Variants in DAAM2 observed in about 807,000 individuals in gnomAD.
The protein encoded by DAAM2 is dishevelled associated activator of morphogenesis 2.
Under a neutral mutation model 120.7 loss-of-function variants are expected in DAAM2, and 39 were observed. The ratio of observed to expected loss-of-function variants is 0.32; its 90% CI spans 0.25 to 0.42. The LOEUF is 0.42. Among genes scored for constraint, DAAM2 ranks in the 10% least tolerant of loss-of-function variants. DAAM2 has a pLI of 1.00. For synonymous variants in DAAM2, 488 were observed against 524.9 expected (o/e 0.93, Z 0.96); for missense variants, 1,283 against 1,401.7 (o/e 0.92, Z 1.35).
intron 5 of DAAM2, among the ~76,000 whole-genome samples, chr6:39,866,177 C>A (rs1764422872): frequency 6.6e-6 from 1 of 152,024 alleles, no homozygotes; most frequent in African/African-American, 2.4e-5. Context: ...TGGTGGGGCT[C>A]TGGAATGGGA....
At chr6:39,814,295 T>C (rs539968285) in intron 1 of DAAM2, among the ~76,000 whole-genome samples, 32 of 152,096 alleles carry the variant, frequency 2.1e-4, no homozygotes, top group Admixed American at 1.8e-3. Context: ...GCCAAAAGAT[T>C]AGACACCCTG....
At chr6:39,882,031 CG>C (rs1765142898) in intron 14 of DAAM2, 1 of 151,948 alleles carries the variant, frequency 6.6e-6, no homozygotes, top group African/African-American at 2.4e-5. Flanking sequence ...CAGTGCACCA[CG>C]GGGGAAACAT....
intron 1 of DAAM2, among the ~76,000 whole-genome samples, chr6:39,803,038 G>T (rs530974291): frequency 6.9e-6 from 1 of 144,256 alleles, no homozygotes; most frequent in African/African-American, 2.6e-5. Context: ...TCATTGTTGC[G>T]TAGTAGTCCA....
chr6:39,872,690 T>C (rs1467061244), intron 9 of DAAM2, among the ~76,000 whole-genome samples: 1 of 152,234 alleles, frequency 6.6e-6, no homozygotes. Context: ...GATTTATAGA[T>C]ACAGAAACAG....
At chr6:39,887,352 T>G (rs974904876) in intron 15 of DAAM2, 134 bp from the exon 16 acceptor site, 8 of 625,626 alleles carry the variant, frequency 1.3e-5, no homozygotes, top group African/African-American at 1.1e-4. Context: ...CTCCTCTCTC[T>G]CCTGTCTTTT....
chr6:39,826,101 G>C (rs931573396), intron 1 of DAAM2, among the ~76,000 whole-genome samples: 2 of 152,156 alleles, frequency 1.3e-5, no homozygotes, highest in African/African-American at 4.8e-5. Flanking sequence ...GCTTCTGCCT[G>C]CTGGCTTGGG....
intron 3 of DAAM2, among the ~76,000 whole-genome samples, chr6:39,863,078 A>G (rs1250562500): frequency 5.3e-5 from 8 of 151,910 alleles, no homozygotes; most frequent in Middle Eastern, 3.2e-3. Context: ...TGGCTCTACC[A>G]TAGAACATTT....
chr6:39,896,735 G>C, intron 19 of DAAM2, 77 bp from the exon 20 acceptor site: 2 of 1,312,848 alleles, frequency 1.5e-6, no homozygotes, highest in South Asian at 1.7e-5. Flanking sequence ...CTTTGCGGTG[G>C]CATCTTCCTG....
Position 39,879,309 on chromosome 6 carries a change from C to A in DAAM2, c.1677C>A (p.Pro559=), listed in dbSNP as rs1765013456. ...FACCPPPPPP[P]LPPGGPPTPP... ...GTTGTCCCCCTCCCCCACCACCACC[C>A]CTTCCTCCCGGGGGACCCCCGACTC... The change falls in exon 14 of 25, where the codon CCC becomes CCA. Residue 559 remains proline (P), a synonymous_variant. Transcript: ENST00000274867. The A allele has an allele frequency of 1.3e-6, 2 of 1,561,518 alleles. No homozygotes were observed. The highest frequency in any genetic ancestry group is 1.3e-5 in the African/African-American group (1 of 74,158).
rs141075413 is a variant in DAAM2, at chr6:39,833,527, C to T, written c.-56-22720C>T. ...TTCACCATGTTGGCCAGGCTGGTCT[C>T]GAACTCATGACCTCAAGTGATCCAC... is the stretch of plus-strand genomic sequence containing the variant. On this transcript the variant is annotated intron_variant, in intron 1 of 24. Coordinates refer to ENST00000274867, the MANE Select transcript of DAAM2 (RefSeq NM_001201427.2). Among the ~76,000 whole-genome samples, 455 of 152,234 alleles carry T rather than the reference C, an allele frequency of 3.0e-3. 2 individuals are homozygous for T. The highest frequency in any genetic ancestry group is 9.8e-3 in the African/African-American group (407 of 41,552).
At chr6:39,896,449 T>C (rs3004066) in intron 19 of DAAM2, among the ~76,000 whole-genome samples, 103,161 of 152,034 alleles carry the variant, frequency 0.68, 35,524 homozygotes, top group East Asian at 0.87. Flanking sequence ...GTGATCTCCC[T>C]GCCTCGGCCT....
intron 14 of DAAM2, chr6:39,883,750 A>G (rs1765242080): frequency 5.8e-6 from 3 of 517,050 alleles, no homozygotes; most frequent in East Asian, 3.1e-5. Flanking sequence ...TGCACAAGGG[A>G]GGAAAAGGGG....
intron 6 of DAAM2, 153 bp from the exon 7 acceptor site, chr6:39,868,670 G>T: frequency 3.3e-6 from 2 of 614,666 alleles, no homozygotes; most frequent in Non-Finnish European, 5.9e-6. Flanking sequence ...GGTGAGGTTT[G>T]GGGCAGCCCA....
chr6:39,807,355 A>G (rs1324355947), intron 1 of DAAM2, among the ~76,000 whole-genome samples: 2 of 152,224 alleles, frequency 1.3e-5, no homozygotes, highest in South Asian at 2.1e-4. Context: ...ACAAACATTT[A>G]TATGTATAAT....
chr6:39,848,719 T>A (rs1484703448), intron 1 of DAAM2: 1 of 152,160 alleles, frequency 6.6e-6, no homozygotes, highest in Non-Finnish European at 1.5e-5. Context: ...GCTCCCCCAA[T>A]CCTGGAAAGA....
chr6:39,831,959 T>G (rs1582638935), intron 1 of DAAM2, among the ~76,000 whole-genome samples: 1 of 40,768 alleles, frequency 2.5e-5, no homozygotes, highest in Non-Finnish European at 4.4e-5. Flanking sequence ...GGAGGGTAGG[T>G]GCACTGGGGG....
chr6:39,825,010 C>G (rs1482163874), intron 1 of DAAM2, among the ~76,000 whole-genome samples: 2 of 152,068 alleles, frequency 1.3e-5, no homozygotes, highest in African/African-American at 4.8e-5. Flanking sequence ...TCAGAGGGGC[C>G]CAGGTAGCTG....
At chr6:39,827,780 C>G (rs933826892) in intron 1 of DAAM2, among the ~76,000 whole-genome samples, 1 of 152,108 alleles carries the variant, frequency 6.6e-6, no homozygotes, top group African/African-American at 2.4e-5. Context: ...AATCACAAAC[C>G]CAGTTTCAGA....
Position 39,864,558 on chromosome 6 carries a change from A to G in DAAM2, c.333+51A>G, listed in dbSNP as rs996238370. On this transcript the variant is annotated intron_variant, in intron 4 of 24. Transcript: ENST00000274867. ...TGCCCCCACCTGGAAAGGCTACGGC[A>G]GGGAGTGATTCCCCCAGCCCCCACC... 8.8e-6 allele frequency: 13 copies of G among 1,470,488 alleles called. No homozygotes were observed. In the African/African-American group the frequency reaches 1.4e-4, roughly 16 times the overall value. 91.1% of individuals were successfully genotyped at this position (1,470,488 alleles called of 1,614,324 possible). A position where few individuals can be genotyped will look rare whatever the true frequency, so the allele number is the denominator to read the frequency against.
Sources: gnomAD v4.1 joint callset for allele counts (sites outside exome capture counted in the v4.1 genomes callset) on GRCh38, gnomAD v4.1.1 for gene constraint, MANE v1.5 for transcripts, NCBI Gene and HGNC (gene_info 2026-07-23, HGNC 2026-07-21) for gene names.